The following ACAP2 variants were observed in gnomAD, a reference collection of about 807,000 sequenced individuals.
ACAP2 encodes arf-GAP with coiled-coil, ANK repeat and PH domain-containing protein 2.
A neutral mutation model predicts 115.8 loss-of-function variants in ACAP2; 39 were observed. The ratio of observed to expected loss-of-function variants is 0.34; its 90% CI spans 0.26 to 0.44. The LOEUF (loss-of-function observed/expected upper bound fraction) is 0.44, where lower values mean the gene tolerates loss of function less well. Among genes scored for constraint, ACAP2 ranks in the 20% least tolerant of loss-of-function variants. The probability of loss-of-function intolerance (pLI) is 1.00; values close to 1 mark genes in which losing one functional copy is unlikely to be tolerated. For synonymous variants in ACAP2, 289 were observed against 315.8 expected (o/e 0.92, Z 0.90); for missense variants, 662 against 927.6 (o/e 0.71, Z 3.72).
At chr3:195,325,385 C>T (rs1166847296) in intron 9 of ACAP2, 4 of 417,350 alleles carry the variant, frequency 9.6e-6, no homozygotes. Flanking sequence ...CTACAGGAGA[C>T]ATACTTTCCC....
chr3:195,371,661 C>A (rs1560297508), intron 4 of ACAP2, among the ~76,000 whole-genome samples: 1 of 151,948 alleles, frequency 6.6e-6, no homozygotes, highest in Non-Finnish European at 1.5e-5. Context: ...TCCCAAAATT[C>A]TTTTTATTTT....
intron 5 of ACAP2, among the ~76,000 whole-genome samples, chr3:195,343,733 A>G (rs1014754171): frequency 6.6e-6 from 1 of 152,228 alleles, no homozygotes; most frequent in Non-Finnish European, 1.5e-5. Flanking sequence ...TTCATTAATG[A>G]TCTTAGTCAC....
At chr3:195,288,222 C>T (rs1726978330) in intron 21 of ACAP2, among the ~76,000 whole-genome samples, 1 of 152,152 alleles carries the variant, frequency 6.6e-6, no homozygotes. Context: ...TTCTTGGTTT[C>T]AAATCCCAAC....
In ACAP2 at chr3:195,292,454, T is replaced by G. The variant is rs1727322813; in HGVS notation, c.1766-2A>C. ...TAGAAGAATCTTGCCTTTCTCCTTC[T>G]GAAAAGCAAACACATACACATCAAT... On this transcript the variant is annotated splice_acceptor_variant, in intron 18 of 22. Transcript: ENST00000326793. LOFTEE classifies it high-confidence loss of function. 6.3e-7 allele frequency: 1 copy of G among 1,598,834 alleles called. No individual in the cohort carries two copies. The highest frequency in any genetic ancestry group is 8.5e-7 in the Non-Finnish European group (1 of 1,175,654).
At position 195,290,849 on chromosome 3, in the gene ACAP2, T is replaced by TAAATA. The variant is rs1553843260; in HGVS notation, c.2063+856_2063+857insTATTT. Among the ~76,000 whole-genome samples the TAAATA allele has an allele frequency of 1.3e-4, 17 of 134,196 alleles. No individual in the cohort carries two copies. The South Asian group carries it at 2.7e-3, about 21-fold the overall frequency. The allele number at this position is 134,196 out of a possible 152,430, so 88.0% of individuals were successfully genotyped here. A position where few individuals can be genotyped will look rare whatever the true frequency, so the allele number is the denominator to read the frequency against. On this transcript the variant is annotated intron_variant, in intron 20 of 22. Transcript: ENST00000326793. ...ATAAATAAATAAATAAATAAATAAA[T>TAAATA]AATAAATAAATAAATAAATAAATAA...
intron 6 of ACAP2, among the ~76,000 whole-genome samples, chr3:195,340,227 G>A (rs758031038): frequency 6.7e-6 from 1 of 149,976 alleles, no homozygotes; most frequent in Non-Finnish European, 1.5e-5. Flanking sequence ...AGACATTTTG[G>A]CAACTAGATA....
chr3:195,302,156 A>G lies in ACAP2; in HGVS notation c.1135T>C (p.Ser379Pro), dbSNP rs753139746. ...DESEKLDKKS[S>P]PSTGSLDSGN... ...GAATCTAGGCTTCCTGTGGATGGAG[A>G]TGATTTCTTATCCAGCTTCTAAAAG... Residue 379 changes from serine to proline, a missense_variant, in exon 14 of 23, where the codon TCT (serine) becomes CCT (proline). Transcript: ENST00000326793. The G allele has an allele frequency of 1.9e-6, 3 of 1,613,012 alleles. No homozygotes were observed. The South Asian group carries it at 3.3e-5, about 18-fold the overall frequency.
intron 9 of ACAP2, chr3:195,326,281 T>G (rs1729788704): frequency 6.6e-6 from 1 of 152,250 alleles, no homozygotes; most frequent in African/African-American, 2.4e-5. Context: ...GAAAGTTGAG[T>G]TGCAGGAATG....
chr3:195,344,761 C>T (rs1012575779), intron 5 of ACAP2, among the ~76,000 whole-genome samples: 2 of 152,188 alleles, frequency 1.3e-5, no homozygotes, highest in Non-Finnish European at 2.9e-5. Context: ...TCAGGTGATC[C>T]ACCCGCCTCA....
At chr3:195,323,963 C>T (rs952434819) in intron 9 of ACAP2, among the ~76,000 whole-genome samples, 7 of 152,054 alleles carry the variant, frequency 4.6e-5, no homozygotes, top group Admixed American at 2.6e-4. Flanking sequence ...ATGGATACCC[C>T]GTTTTCCATG....
intron 2 of ACAP2, among the ~76,000 whole-genome samples, chr3:195,386,047 T>C (rs375371714): frequency 6.6e-6 from 1 of 152,244 alleles, no homozygotes; most frequent in East Asian, 1.9e-4. Flanking sequence ...CATGCAATGA[T>C]GCATTATCCA....
At chr3:195,373,987 CTAAG>C (rs780731671) in intron 4 of ACAP2, among the ~76,000 whole-genome samples, 15 of 152,084 alleles carry the variant, frequency 9.9e-5, no homozygotes, top group Non-Finnish European at 1.8e-4. Flanking sequence ...AACTGAGTCA[CTAAG>C]TGAGTCAGTG....
At chr3:195,416,902 C>T (rs745384285) in intron 1 of ACAP2, among the ~76,000 whole-genome samples, 1 of 151,626 alleles carries the variant, frequency 6.6e-6, no homozygotes, top group Non-Finnish European at 1.5e-5. Flanking sequence ...GCCTTCAAGA[C>T]CATAAATATC....
chr3:195,308,643 C>A, intron 11 of ACAP2, 143 bp downstream of exon 11: 1 of 658,726 alleles, frequency 1.5e-6, no homozygotes, highest in Non-Finnish European at 2.5e-6. Context: ...ACCCTAGAGT[C>A]CTCTTATACC....
intron 10 of ACAP2, among the ~76,000 whole-genome samples, chr3:195,318,737 G>C (rs1373165386): frequency 6.6e-6 from 1 of 152,174 alleles, no homozygotes; most frequent in Non-Finnish European, 1.5e-5. Context: ...TAGTTTAAAA[G>C]GGAAGCAGAG....
chr3:195,317,941 C>T (rs1355056386), intron 10 of ACAP2, among the ~76,000 whole-genome samples: 1 of 152,154 alleles, frequency 6.6e-6, no homozygotes, highest in East Asian at 1.9e-4. Flanking sequence ...ACCCAAATCT[C>T]ACCTTGAACT....
intron 1 of ACAP2, among the ~76,000 whole-genome samples, chr3:195,416,468 G>A (rs1713737780): frequency 6.6e-6 from 1 of 152,058 alleles, no homozygotes; most frequent in Non-Finnish European, 1.5e-5. Context: ...AAACATAGGA[G>A]AGGATATGAA....
chr3:195,430,732 T>G (rs1455950026), intron 1 of ACAP2, among the ~76,000 whole-genome samples: 1 of 150,842 alleles, frequency 6.6e-6, no homozygotes, highest in African/African-American at 2.4e-5. Context: ...AAAAAAAAAA[T>G]CATATGGGGA....
At chr3:195,359,273 C>A (rs1418180126) in intron 4 of ACAP2, among the ~76,000 whole-genome samples, 1 of 152,158 alleles carries the variant, frequency 6.6e-6, no homozygotes, top group East Asian at 1.9e-4. Context: ...GTAAGTAGTA[C>A]AAAGACAAAC....
Sources: allele counts gnomAD v4.1 joint callset (sites outside exome capture counted in the v4.1 genomes callset), GRCh38; gene constraint gnomAD v4.1.1; transcripts MANE v1.5; gene names NCBI Gene and HGNC (gene_info 2026-07-23, HGNC 2026-07-21).